Variants in GRAMD1B observed in about 807,000 individuals in gnomAD.
GRAMD1B encodes the protein protein Aster-B.
In GRAMD1B, 37 loss-of-function variants were observed where a neutral mutation model predicts 99.7. The ratio of observed to expected loss-of-function variants is 0.37; its 90% CI spans 0.29 to 0.49. GRAMD1B has a LOEUF of 0.49. GRAMD1B is among the 20% of genes least tolerant of loss of function. The pLI is 0.98. For missense variants in GRAMD1B, 888 were observed against 1,009.2 expected (o/e 0.88, Z 1.63); for synonymous variants, 427 against 387.6 (o/e 1.10, Z -1.19).
chr11:123,589,614 T>TATATATATATATATATA (rs1555089174), intron 4 of GRAMD1B, among the ~76,000 whole-genome samples: 60 of 128,242 alleles, frequency 4.7e-4, no homozygotes, highest in Admixed American at 1.4e-3. Context: ...TGGCTAATTT[T>TATATATATATATATATA]TATATATATA....
At chr11:123,444,652 T>C (rs570753513) in intron 1 of GRAMD1B, among the ~76,000 whole-genome samples, 1 of 150,832 alleles carries the variant, frequency 6.6e-6, no homozygotes, top group Non-Finnish European at 1.5e-5. Flanking sequence ...CAGCTGGGGG[T>C]TTTAGAATTT....
At position 123,409,927 on chromosome 11, in the gene GRAMD1B, C is replaced by T. The variant is rs150534228; in HGVS notation, c.-176+51128C>T. On this transcript the variant is annotated intron_variant, in intron 1 of 20. Coordinates refer to the GRAMD1B transcript ENST00000638157. Reference sequence around the variant, plus strand: ...TTCCTTTAGTGGCGAACAATAGTTCCGTAACTTAGCCTCACTGAGGTCCAA... The same window carrying T: ...TTCCTTTAGTGGCGAACAATAGTTCTGTAACTTAGCCTCACTGAGGTCCAA... Among the ~76,000 whole-genome samples, 27 of 152,264 alleles carry T rather than the reference C, an allele frequency of 1.8e-4. No homozygotes were observed. In the East Asian group the frequency reaches 4.3e-3, roughly 24 times the overall value.
At chr11:123,528,675 C>T (rs1190810982) in intron 2 of GRAMD1B, among the ~76,000 whole-genome samples, 4 of 152,028 alleles carry the variant, frequency 2.6e-5, no homozygotes, top group South Asian at 2.1e-4. Flanking sequence ...TGTGTAATGC[C>T]GTGCTAGACA....
chr11:123,420,521 T>TC (rs1185802480), intron 1 of GRAMD1B, among the ~76,000 whole-genome samples: 1 of 152,216 alleles, frequency 6.6e-6, no homozygotes, highest in Non-Finnish European at 1.5e-5. Context: ...GCATTTTTTT[T>TC]CTCTTTAATA....
chr11:123,450,529 T>G (rs924797328), intron 1 of GRAMD1B, among the ~76,000 whole-genome samples: 3 of 152,224 alleles, frequency 2.0e-5, no homozygotes, highest in South Asian at 4.1e-4. Context: ...AGTGCAATAT[T>G]GGTCCCTATT....
intron 2 of GRAMD1B, among the ~76,000 whole-genome samples, chr11:123,527,685 G>A (rs1942937124): frequency 2.0e-5 from 3 of 152,138 alleles, no homozygotes; most frequent in Admixed American, 2.0e-4. Flanking sequence ...TCTGTAGCTG[G>A]GATGAGGCCT....
intron 2 of GRAMD1B, among the ~76,000 whole-genome samples, chr11:123,551,911 CA>C (rs1400906917): frequency 1.3e-5 from 2 of 152,204 alleles, no homozygotes; most frequent in Non-Finnish European, 1.5e-5. Context: ...TGCTTCTCTG[CA>C]GCCCCTGGGC....
chr11:123,517,145 C>T (rs1195848927), intron 2 of GRAMD1B, among the ~76,000 whole-genome samples: 2 of 152,176 alleles, frequency 1.3e-5, no homozygotes, highest in African/African-American at 4.8e-5. Flanking sequence ...GTTTCAAACT[C>T]CTGACCTCAA....
At chr11:123,551,514 C>T (rs775700531) in intron 2 of GRAMD1B, among the ~76,000 whole-genome samples, 1 of 152,174 alleles carries the variant, frequency 6.6e-6, no homozygotes, top group Non-Finnish European at 1.5e-5. Context: ...GAGGCAGAGC[C>T]ACATGCGGAA....
At chr11:123,474,674 G>A (rs1036200970) in intron 1 of GRAMD1B, among the ~76,000 whole-genome samples, 1 of 152,160 alleles carries the variant, frequency 6.6e-6, no homozygotes, top group Admixed American at 6.6e-5. Context: ...TGTCTGCCTT[G>A]GTGCTATTTC....
intron 4 of GRAMD1B, among the ~76,000 whole-genome samples, chr11:123,589,839 C>T (rs1950470471): frequency 6.6e-6 from 1 of 152,016 alleles, no homozygotes; most frequent in Non-Finnish European, 1.5e-5. Context: ...TATTAAATTA[C>T]CAAGACTCCT....
intron 3 of GRAMD1B, among the ~76,000 whole-genome samples, chr11:123,581,701 C>T (rs1027924516): frequency 4.6e-5 from 7 of 152,204 alleles, no homozygotes; most frequent in African/African-American, 7.2e-5. Context: ...CGTTTCTTTT[C>T]AGTTCTTTAG....
At chr11:123,597,129 C>CTTTTT (rs35382306) in intron 7 of GRAMD1B, among the ~76,000 whole-genome samples, 1 of 137,100 alleles carries the variant, frequency 7.3e-6, no homozygotes, top group Non-Finnish European at 1.6e-5. Context: ...AGTCCAACTC[C>CTTTTT]TTTTTTTTTT....
chr11:123,430,652 G>A lies in GRAMD1B; in HGVS notation c.-141G>A, dbSNP rs1223921267. On this transcript the variant is annotated 5_prime_UTR_variant, in exon 1 of 20. Transcript: ENST00000635736. ...CGTCCCCTCGCGTCCCTTCCTCGCTGCGCTCCGGGAAAGGAACTTGTTCCT... is the reference window on the plus strand; with the variant it reads ...CGTCCCCTCGCGTCCCTTCCTCGCTACGCTCCGGGAAAGGAACTTGTTCCT... 2 of 506,868 alleles carry A rather than the reference G, an allele frequency of 3.9e-6. No individual in the cohort carries two copies. The highest frequency in any genetic ancestry group is 6.9e-6 in the Non-Finnish European group (2 of 289,526). The allele number at this position is 506,868 out of a possible 1,614,324, so 31.4% of individuals were successfully genotyped here.
In GRAMD1B at chr11:123,430,501, C is replaced by A; in HGVS notation, c.-292C>A. 2.4e-6 allele frequency: 1 copy of A among 419,332 alleles called. No individual in the cohort carries two copies. The highest frequency in any genetic ancestry group is 4.0e-5 in the East Asian group (1 of 24,912). 26.0% of individuals were successfully genotyped at this position (419,332 alleles called of 1,614,324 possible). A position where few individuals can be genotyped will look rare whatever the true frequency, so the allele number is the denominator to read the frequency against. On this transcript the variant is annotated 5_prime_UTR_variant, in exon 1 of 20. Coordinates refer to ENST00000635736, the MANE Select transcript of GRAMD1B (RefSeq NM_001387025.1). The stretch of plus-strand genomic sequence containing the variant: ...AAACAAGCGGGCGCGCGAGGGGAGC[C>A]CCAGGAGGGCTGCCGAGTGGCTGGC...
upstream of GRAMD1B, among the ~76,000 whole-genome samples, chr11:123,429,526 AG>A (rs528237081): frequency 1.6e-3 from 245 of 152,134 alleles, no homozygotes; most frequent in African/African-American, 5.7e-3. The surrounding 1 kb of genome is among the most constrained non-coding windows in gnomAD (Gnocchi z 4.0). Context: ...CAGCAATGTA[AG>A]GGGGGGTACC....
At chr11:123,437,866 T>C (rs1949232426) in intron 1 of GRAMD1B, among the ~76,000 whole-genome samples, 1 of 152,194 alleles carries the variant, frequency 6.6e-6, no homozygotes, top group Admixed American at 6.5e-5. Context: ...AGCAGGGTGA[T>C]TTTGTGCATC....
At chr11:123,397,483 T>A (rs945611866) in intron 1 of GRAMD1B, among the ~76,000 whole-genome samples, 3 of 152,118 alleles carry the variant, frequency 2.0e-5, no homozygotes, top group African/African-American at 4.8e-5. Flanking sequence ...ATTGATTTGC[T>A]GTCACTAGAT....
chr11:123,497,844 T>C (rs1395481800), intron 2 of GRAMD1B, among the ~76,000 whole-genome samples: 2 of 142,990 alleles, frequency 1.4e-5, no homozygotes, highest in African/African-American at 2.7e-5. Context: ...GAGGTTGCAG[T>C]GAGCCAAGAT....
Sources: gnomAD v4.1 joint callset for allele counts (sites outside exome capture counted in the v4.1 genomes callset) on GRCh38, gnomAD v4.1.1 for gene constraint, Gnocchi (gnomAD v3.1) non-coding constraint, MANE v1.5 for transcripts, NCBI Gene and HGNC (gene_info 2026-07-23, HGNC 2026-07-21) for gene names.